Variants in GFRA2 observed in about 807,000 individuals in gnomAD.
GFRA2 encodes GDNF family receptor alpha 2.
GFRA2 carries 17 observed loss-of-function variants against 48.3 expected under a neutral mutation model. The observed-to-expected ratio is 0.35, with a 90% CI of 0.24 to 0.53. The LOEUF (loss-of-function observed/expected upper bound fraction) is 0.53. Among genes scored for constraint, GFRA2 ranks in the 20% least tolerant of loss-of-function variants. The pLI is 0.93. For synonymous variants in GFRA2, 305 were observed against 257.2 expected (o/e 1.19, Z -1.78); for missense variants, 660 against 637.3 (o/e 1.04, Z -0.38).
Position 21,764,953 on chromosome 8 carries a change from C to A in GFRA2, c.439+10019G>T, listed in dbSNP as rs147744142. 9.0e-3 allele frequency among the ~76,000 whole-genome samples: 1,366 copies of A among 152,252 alleles called. 20 individuals are homozygous for A. Among genetic ancestry groups the A allele is most frequent in the African/African-American group, 0.031 (1,285 of 41,538 alleles). ...CATCCTCCTCACGTCAACATTCCAA[C>A]CTCACCCTCCAAGAAGAATATTCTG... is the stretch of plus-strand genomic sequence containing the variant. On this transcript the variant is annotated intron_variant, in intron 3 of 8. Transcript: ENST00000524240.
chr8:21,777,135 C>T (rs1389960686), intron 2 of GFRA2, among the ~76,000 whole-genome samples: 1 of 152,188 alleles, frequency 6.6e-6, no homozygotes, highest in African/African-American at 2.4e-5. Flanking sequence ...AGTAGCTTGA[C>T]CAAGGTCACA....
At chr8:21,699,618 G>C (rs1023254254) in intron 7 of GFRA2, among the ~76,000 whole-genome samples, 2 of 152,126 alleles carry the variant, frequency 1.3e-5, no homozygotes, top group Non-Finnish European at 2.9e-5. Flanking sequence ...GCACTGCCCT[G>C]GTCCAGGCCC....
chr8:21,706,360 G>A, intron 4 of GFRA2: 2 of 500,684 alleles, frequency 4.0e-6, no homozygotes, highest in Non-Finnish European at 7.8e-6. Context: ...AGCCGGGTGG[G>A]TTTGTGGAGA....
At chr8:21,699,406 G>T (rs1184592712) in intron 7 of GFRA2, among the ~76,000 whole-genome samples, 2 of 152,198 alleles carry the variant, frequency 1.3e-5, no homozygotes, top group African/African-American at 4.8e-5. Flanking sequence ...AATCACAGGT[G>T]GGCAGGTGGA....
In GFRA2 at chr8:21,788,808, CTT is replaced by C. The variant is rs1275750877; in HGVS notation, c.-651_-650del. On this transcript the variant is annotated 5_prime_UTR_variant, in exon 1 of 9. Coordinates refer to ENST00000524240, the MANE Select transcript of GFRA2 (RefSeq NM_001495.5). The stretch of plus-strand genomic sequence containing the variant: ...ACCGTGTGTCTCTGCGTGCGTGTGT[CTT>C]TCTCTCTCCTCTCTCTCTCTCTCCT... The C allele has an allele frequency of 1.0e-5, 10 of 985,208 alleles. No individual in the cohort carries two copies. Among genetic ancestry groups the C allele is most frequent in the African/African-American group, 1.7e-5 (1 of 57,206 alleles). 61.0% of individuals were successfully genotyped at this position (985,208 alleles called of 1,614,324 possible).
At chr8:21,712,607 C>T (rs1803109019) in intron 4 of GFRA2, among the ~76,000 whole-genome samples, 1 of 149,700 alleles carries the variant, frequency 6.7e-6, no homozygotes, top group Non-Finnish European at 1.5e-5. Flanking sequence ...GACGGGGTGG[C>T]GGCCGGGCAG....
intron 4 of GFRA2, among the ~76,000 whole-genome samples, chr8:21,706,689 C>A (rs28568909): frequency 0.04 from 6,113 of 152,230 alleles, 398 homozygotes; most frequent in African/African-American, 0.14. Flanking sequence ...CTTCCCTTCC[C>A]CTGGTGACGG....
chr8:21,705,505 C>T (rs1001120534), intron 5 of GFRA2, among the ~76,000 whole-genome samples: 5 of 152,098 alleles, frequency 3.3e-5, no homozygotes, highest in East Asian at 1.9e-4. Context: ...TATTTATGAG[C>T]GAGGTGAGAC....
chr8:21,702,728 T>C (rs1400352915), intron 7 of GFRA2, 77 bp downstream of exon 7: 7 of 1,420,682 alleles, frequency 4.9e-6, no homozygotes, highest in Non-Finnish European at 6.6e-6. Flanking sequence ...CCTCCCTCCC[T>C]GGCCTCAGCT....
chr8:21,764,148 G>A (rs373163786), intron 3 of GFRA2, among the ~76,000 whole-genome samples: 148 of 152,302 alleles, frequency 9.7e-4, no homozygotes, highest in African/African-American at 3.5e-3. Context: ...ACCACAGACT[G>A]AGTGGCGTAT....
In GFRA2 at chr8:21,760,328, G is replaced by A. The variant is rs576858934; in HGVS notation, c.440-9386C>T. 1.5e-4 allele frequency among the ~76,000 whole-genome samples: 23 copies of A among 152,346 alleles called. No homozygotes were observed. The South Asian group carries it at 4.8e-3, about 32-fold the overall frequency. ...CAGAAAAGGAGACCAGTCACAGGCT[G>A]CTGAAGCAGCAGAAAGCTAGTGGAG... On this transcript the variant is annotated intron_variant, in intron 3 of 8. Transcript: ENST00000524240.
chr8:21,697,643 C>T lies in GFRA2; in HGVS notation c.1219-3126G>A, dbSNP rs75484122. On this transcript the variant is annotated intron_variant, in intron 7 of 8. Transcript: ENST00000524240. The stretch of plus-strand genomic sequence containing the variant: ...TCATACTCTAATAGAGAAATAAACT[C>T]GCACATAACCACTGATATGGTTTGG... Among the ~76,000 whole-genome samples, 4 of 152,292 alleles carry T rather than the reference C, an allele frequency of 2.6e-5. No homozygotes were observed. The South Asian group carries it at 6.2e-4, about 24-fold the overall frequency.
intron 3 of GFRA2, among the ~76,000 whole-genome samples, chr8:21,774,042 A>C (rs924865277): frequency 7.9e-5 from 12 of 152,172 alleles, no homozygotes; most frequent in Non-Finnish European, 1.3e-4. Context: ...AGACTGCCAC[A>C]AAACTGCATG....
intron 7 of GFRA2, among the ~76,000 whole-genome samples, chr8:21,695,821 A>G (rs1802137563): frequency 6.6e-6 from 1 of 152,070 alleles, no homozygotes; most frequent in African/African-American, 2.4e-5. Flanking sequence ...TGTCCTCCCG[A>G]GTCCCTTGGC....
At chr8:21,790,871 G>A (rs1439850673), upstream of GFRA2, among the ~76,000 whole-genome samples, 6 of 152,172 alleles carry the variant, frequency 3.9e-5, no homozygotes, top group Non-Finnish European at 8.8e-5. Context: ...GATAAGTGTA[G>A]GTTAAAAGAT....
intron 4 of GFRA2, among the ~76,000 whole-genome samples, chr8:21,708,939 T>C (rs1802882685): frequency 6.6e-6 from 1 of 152,188 alleles, no homozygotes; most frequent in South Asian, 2.1e-4. Flanking sequence ...AGGAAATGAA[T>C]GCAGCCCTTT....
In GFRA2 at chr8:21,729,035, C is replaced by T. The variant is rs531925792; in HGVS notation, c.794+21553G>A. On this transcript the variant is annotated intron_variant, in intron 4 of 8. Transcript: ENST00000524240. ...TCCACCACATGGGGCAGTTCAAGAC[C>T]AGAGCAGGACGGGGCCAACCCAGGC... 2.6e-5 allele frequency among the ~76,000 whole-genome samples: 4 copies of T among 152,334 alleles called. No individual in the cohort carries two copies. The South Asian group carries it at 8.3e-4, about 32-fold the overall frequency.
At chr8:21,804,115 CCT>C (rs1263839253) in intron 2 of GFRA2, among the ~76,000 whole-genome samples, 3 of 152,076 alleles carry the variant, frequency 2.0e-5, no homozygotes, top group Admixed American at 6.6e-5. Flanking sequence ...AAGTCAGTCC[CCT>C]GTCTCCAAAA....
chr8:21,800,646 C>T (rs1310958938), intron 2 of GFRA2, among the ~76,000 whole-genome samples: 1 of 152,220 alleles, frequency 6.6e-6, no homozygotes, highest in Middle Eastern at 3.2e-3. Context: ...AACAGGGGGC[C>T]AGCCATGGTG....
Sources: allele counts gnomAD v4.1 joint callset (sites outside exome capture counted in the v4.1 genomes callset), GRCh38; gene constraint gnomAD v4.1.1; transcripts MANE v1.5; gene names NCBI Gene and HGNC (gene_info 2026-07-23, HGNC 2026-07-21).